EFCC1: variants seen among roughly 807,000 people sequenced by gnomAD.
The protein encoded by EFCC1 is EF-hand and coiled-coil domain containing 1.
EFCC1 carries 50 observed loss-of-function variants against 52.1 expected under a neutral mutation model. The observed-to-expected ratio is 0.96, with a 90% CI of 0.76 to 1.21. The LOEUF is 1.21. Ranked by LOEUF, EFCC1 falls within the 50% of genes most tolerant of loss-of-function variation. EFCC1 has a pLI of 0.00. For synonymous variants in EFCC1, 399 were observed against 396.5 expected (o/e 1.01, Z -0.08); for missense variants, 837 against 867.3 (o/e 0.97, Z 0.44).
At chr3:129,004,256 C>T (rs1459857453) in intron 2 of EFCC1, among the ~76,000 whole-genome samples, 179 bp downstream of exon 2, 1 of 152,184 alleles carries the variant, frequency 6.6e-6, no homozygotes, top group Non-Finnish European at 1.5e-5. Context: ...AAGTCTGCTC[C>T]ATTGCTTGCT....
At chr3:129,032,641 G>T (rs567331009) in intron 3 of EFCC1, among the ~76,000 whole-genome samples, 178 bp from the exon 4 acceptor site, 34 of 152,326 alleles carry the variant, frequency 2.2e-4, no homozygotes, top group Middle Eastern at 3.4e-3. Context: ...ATTACAAGGA[G>T]ACAGAACCAG....
chr3:129,031,385 G>A (rs530475625), intron 3 of EFCC1, among the ~76,000 whole-genome samples: 1 of 152,314 alleles, frequency 6.6e-6, no homozygotes, highest in African/African-American at 2.4e-5. Context: ...AGGCTGCAGT[G>A]AGCCAAGATT....
chr3:129,016,700 C>G (rs1249211131), intron 2 of EFCC1, among the ~76,000 whole-genome samples: 1 of 152,110 alleles, frequency 6.6e-6, no homozygotes, highest in Non-Finnish European at 1.5e-5. Context: ...CCCCACTTCT[C>G]TGGTCAAACC....
In EFCC1 at chr3:129,039,765, G is replaced by A; in HGVS notation, c.1717G>A (p.Ala573Thr). ...GGATGCCCTGCACCAAGCCTTGGCT[G>A]CCTGCCAGCTGTTGCGGAGACAGCC... Reference protein sequence around the residue: ...ILDALHQALAACQLLRRQPSA... With the variant: ...ILDALHQALATCQLLRRQPSA... Residue 573 changes from alanine to threonine, a missense_variant, in exon 8 of 8, where the codon GCC becomes ACC. Coordinates refer to ENST00000683648, the MANE Select transcript of EFCC1 (RefSeq NM_001377500.1). 1 of 1,611,940 alleles carries A rather than the reference G, an allele frequency of 6.2e-7. No individual in the cohort carries two copies. The highest frequency in any genetic ancestry group is 8.5e-7 in the Non-Finnish European group (1 of 1,178,792).
chr3:129,004,199 T>C (rs1944954906), intron 2 of EFCC1, 122 bp downstream of exon 2: 7 of 1,192,420 alleles, frequency 5.9e-6, no homozygotes, highest in Non-Finnish European at 7.6e-6. Context: ...ATGCGTTTAT[T>C]CATGTATTCT....
chr3:129,010,364 C>T lies in EFCC1; in HGVS notation c.980+6287C>T, dbSNP rs901989370. Among the ~76,000 whole-genome samples, 1 of 152,232 alleles carries T rather than the reference C, an allele frequency of 6.6e-6. No homozygotes were observed. Among genetic ancestry groups the T allele is most frequent in the Admixed American group, 6.5e-5 (1 of 15,286 alleles). ...CGGGGCAGGGCAGGCAGCCTAGGGC[C>T]AGCACCACTGGGCAGGGGCTGGTGC... is the stretch of plus-strand genomic sequence containing the variant. On this transcript the variant is annotated intron_variant, in intron 2 of 7. Coordinates refer to ENST00000683648, the MANE Select transcript of EFCC1 (RefSeq NM_001377500.1). This position sits in a 1 kb window ranked among gnomAD's most constrained non-coding sequence, Gnocchi z 4.3.
chr3:129,032,160 T>C (rs1233430024), intron 3 of EFCC1, among the ~76,000 whole-genome samples: 1 of 152,150 alleles, frequency 6.6e-6, no homozygotes, highest in Non-Finnish European at 1.5e-5. Flanking sequence ...TCCTCCACAC[T>C]ACTCCAAACA....
At chr3:129,009,472 A>T (rs187518648) in intron 2 of EFCC1, among the ~76,000 whole-genome samples, 1 of 152,310 alleles carries the variant, frequency 6.6e-6, no homozygotes, top group Admixed American at 6.5e-5. Context: ...ATCCCACTGA[A>T]GTCCTGGAAC....
At position 129,038,912 on chromosome 3, in the gene EFCC1, C is replaced by T; in HGVS notation, c.1663+12C>T. The T allele has an allele frequency of 1.2e-6, 2 of 1,613,138 alleles. No homozygotes were observed. Among genetic ancestry groups the T allele is most frequent in the South Asian group, 1.1e-5 (1 of 91,056 alleles). On this transcript the variant is annotated intron_variant, in intron 7 of 7. Coordinates refer to ENST00000683648, the MANE Select transcript of EFCC1 (RefSeq NM_001377500.1). ...GGACCCCACCCACGGTAGGAGAGCA[C>T]CCTAGTCTCTCAGAGCCCACGCAGT... is the stretch of plus-strand genomic sequence containing the variant.
chr3:129,007,402 G>A (rs1035432476), intron 2 of EFCC1, among the ~76,000 whole-genome samples: 9 of 152,196 alleles, frequency 5.9e-5, no homozygotes, highest in African/African-American at 2.2e-4. Flanking sequence ...CCTCTTAAGT[G>A]ACATCACTCT....
chr3:129,036,962 C>G lies in EFCC1; in HGVS notation c.1453-15C>G. 6 of 1,613,738 alleles carry G rather than the reference C, an allele frequency of 3.7e-6. No individual in the cohort carries two copies. Among genetic ancestry groups the G allele is most frequent in the Non-Finnish European group, 4.2e-6 (5 of 1,179,968 alleles). Reference sequence around the variant, plus strand: ...GAGGCCAGCAAAGTGAGCACTGAGCCCCTTCTCTTCCCAGGCAGAGTTGCA... The same window carrying G: ...GAGGCCAGCAAAGTGAGCACTGAGCGCCTTCTCTTCCCAGGCAGAGTTGCA... On this transcript the variant is annotated splice_polypyrimidine_tract_variant and intron_variant, in intron 5 of 7. Transcript: ENST00000683648.
intron 4 of EFCC1, among the ~76,000 whole-genome samples, chr3:129,033,579 G>A (rs1946315711): frequency 6.6e-6 from 1 of 152,216 alleles, no homozygotes; most frequent in Admixed American, 6.5e-5. Context: ...TTAATGTATG[G>A]TAAAATGCTG....
chr3:129,032,689 G>A, intron 3 of EFCC1, 130 bp from the exon 4 acceptor site: 3 of 1,332,146 alleles, frequency 2.3e-6, no homozygotes, highest in Non-Finnish European at 3.0e-6. Flanking sequence ...TGGGATGTGG[G>A]GGTGGCTGTC....
At chr3:129,021,259 A>T (rs1945829572) in intron 2 of EFCC1, among the ~76,000 whole-genome samples, 2 of 152,218 alleles carry the variant, frequency 1.3e-5, no homozygotes, top group South Asian at 4.1e-4. Context: ...TGTCTTATAT[A>T]TAAACACAGG....
intron 2 of EFCC1, among the ~76,000 whole-genome samples, chr3:129,009,854 G>A (rs950449222): frequency 4.6e-5 from 7 of 152,244 alleles, no homozygotes; most frequent in Admixed American, 4.6e-4. Flanking sequence ...TGCTTTGGGA[G>A]TGGTTTCGGG....
At chr3:129,020,508 G>A (rs943819053) in intron 2 of EFCC1, among the ~76,000 whole-genome samples, 5 of 152,142 alleles carry the variant, frequency 3.3e-5, no homozygotes, top group African/African-American at 1.2e-4. Context: ...ATGGTGGCCT[G>A]CACCTGTGGT....
intron 2 of EFCC1, 170 bp from the exon 3 acceptor site, chr3:129,030,533 C>G: frequency 1.4e-6 from 1 of 701,218 alleles, no homozygotes; most frequent in Admixed American, 4.1e-5. Flanking sequence ...TGTGCCCTAG[C>G]TGCAAGGGAT....
intron 2 of EFCC1, among the ~76,000 whole-genome samples, chr3:129,019,764 CTTTTTT>C (rs760118112): frequency 8.4e-5 from 9 of 107,432 alleles, no homozygotes; most frequent in South Asian, 3.2e-4. Flanking sequence ...ATTAAATTTA[CTTTTTT>C]TTTTTTTTTT....
chr3:129,035,253 C>T (rs1021103649), intron 5 of EFCC1, among the ~76,000 whole-genome samples: 16 of 152,206 alleles, frequency 1.1e-4, no homozygotes, highest in Admixed American at 5.2e-4. Context: ...ACTTGTACAA[C>T]CCATGAACCA....
Sources: allele counts gnomAD v4.1 joint callset (sites outside exome capture counted in the v4.1 genomes callset), GRCh38; gene constraint gnomAD v4.1.1; non-coding constraint Gnocchi (gnomAD v3.1); transcripts MANE v1.5; gene names NCBI Gene and HGNC (gene_info 2026-07-23, HGNC 2026-07-21).